The following TOP1MT variants were observed in gnomAD, a reference collection of about 807,000 sequenced individuals.
TOP1MT encodes the protein DNA topoisomerase I, mitochondrial.
TOP1MT carries 80 observed loss-of-function variants against 73.9 expected under a neutral mutation model. The observed-to-expected ratio is 1.08, with a 90% CI of 0.90 to 1.30. The LOEUF is 1.30. Among genes scored for constraint, TOP1MT ranks in the 50% most tolerant of loss-of-function variants. TOP1MT has a pLI of 0.00. For missense variants in TOP1MT, 815 were observed against 808.0 expected (o/e 1.01, Z -0.10); for synonymous variants, 338 against 326.4 (o/e 1.04, Z -0.38).
intron 7 of TOP1MT, among the ~76,000 whole-genome samples, chr8:143,322,485 CCACACGCACGCCACA>C (rs1816476910): frequency 5.1e-5 from 5 of 97,110 alleles, no homozygotes; most frequent in African/African-American, 1.6e-4. Context: ...CACAGGCACG[CCACACGCACGCCACA>C]CACACAGGCA....
chr8:143,331,131 G>T, intron 2 of TOP1MT, 93 bp downstream of exon 2: 1 of 971,514 alleles, frequency 1.0e-6, no homozygotes, highest in Admixed American at 2.2e-5. Context: ...GAAGCCTGCA[G>T]GGGGGCTGAG....
At chr8:143,327,863 G>A (rs1433799309) in intron 3 of TOP1MT, 2 of 354,432 alleles carry the variant, frequency 5.6e-6, no homozygotes, top group East Asian at 1.7e-4. Flanking sequence ...TGCAACACAC[G>A]AGCCTCGGCC....
chr8:143,345,127 G>C (rs955392468), upstream of TOP1MT: 1 of 152,392 alleles, frequency 6.6e-6, no homozygotes, highest in African/African-American at 2.4e-5. Flanking sequence ...ACAGGGGCTT[G>C]TAAAAGAGTA....
At chr8:143,320,572 G>T (rs531295408) in intron 8 of TOP1MT, among the ~76,000 whole-genome samples, 1 of 152,236 alleles carries the variant, frequency 6.6e-6, no homozygotes, top group Non-Finnish European at 1.5e-5. Flanking sequence ...TGGCCAGAAC[G>T]TGACCTTATT....
intron 1 of TOP1MT, among the ~76,000 whole-genome samples, chr8:143,353,224 A>T (rs956152812): frequency 6.6e-6 from 1 of 152,064 alleles, no homozygotes; most frequent in African/African-American, 2.4e-5. Flanking sequence ...AGACCAGCCT[A>T]GGCAAAATGG....
At chr8:143,313,583 G>C (rs1309179423) in intron 12 of TOP1MT, among the ~76,000 whole-genome samples, 3 of 149,720 alleles carry the variant, frequency 2.0e-5, no homozygotes, top group Non-Finnish European at 4.4e-5. Context: ...GCTGGGAGTA[G>C]TGACTCACAC....
At chr8:143,333,176 G>C (rs2130345862) in intron 1 of TOP1MT, among the ~76,000 whole-genome samples, 1 of 152,270 alleles carries the variant, frequency 6.6e-6, no homozygotes, top group East Asian at 1.9e-4. Context: ...GCCAGGCGCG[G>C]TGACTCACGC....
At chr8:143,315,343 A>C (rs1320263852) in intron 12 of TOP1MT, among the ~76,000 whole-genome samples, 1 of 152,194 alleles carries the variant, frequency 6.6e-6, no homozygotes, top group Non-Finnish European at 1.5e-5. Flanking sequence ...ATGCAGAAAT[A>C]ATGGCGTAAA....
intron 1 of TOP1MT, chr8:143,343,788 T>A (rs1245437786): frequency 1.3e-5 from 2 of 154,572 alleles, no homozygotes; most frequent in Non-Finnish European, 2.9e-5. Flanking sequence ...CACCTCGGGC[T>A]GCACGCTGGG....
chr8:143,334,971 C>T, upstream of TOP1MT: 3 of 1,148,002 alleles, frequency 2.6e-6, no homozygotes, highest in Non-Finnish European at 3.2e-6. Flanking sequence ...CCCCCAGCGG[C>T]GCTCATCCCA....
intron 7 of TOP1MT, among the ~76,000 whole-genome samples, chr8:143,321,664 ACG>A (rs1440514525): frequency 3.0e-5 from 3 of 98,564 alleles, no homozygotes; most frequent in African/African-American, 4.4e-5. Flanking sequence ...CGCCACACAC[ACG>A]CACGCCACAC....
upstream of TOP1MT, among the ~76,000 whole-genome samples, chr8:143,338,522 G>A (rs1447348884): frequency 3.3e-5 from 5 of 150,982 alleles, no homozygotes; most frequent in African/African-American, 7.3e-5. Flanking sequence ...AGCTGAGATC[G>A]CACCATTGCA....
chr8:143,336,257 T>C (rs1356745484), upstream of TOP1MT, among the ~76,000 whole-genome samples: 1 of 152,198 alleles, frequency 6.6e-6, no homozygotes, highest in Non-Finnish European at 1.5e-5. Context: ...CCTCCCAAAG[T>C]GCTGGGATTT....
At chr8:143,321,557 CCACA>C (rs1198696730) in intron 7 of TOP1MT, among the ~76,000 whole-genome samples, 171 bp from the exon 8 acceptor site, 22 of 106,200 alleles carry the variant, frequency 2.1e-4, no homozygotes, top group Non-Finnish European at 3.4e-4. Flanking sequence ...CACACGCACG[CCACA>C]CACACGCACG....
chr8:143,334,988 G>A, upstream of TOP1MT: 1 of 1,055,012 alleles, frequency 9.5e-7, no homozygotes, highest in East Asian at 4.1e-5. Context: ...CCCAAGGCTG[G>A]GCGGTCTAAG....
intron 12 of TOP1MT, chr8:143,310,560 T>A (rs1400476307): frequency 9.9e-6 from 2 of 201,844 alleles, no homozygotes; most frequent in African/African-American, 2.3e-5. Flanking sequence ...CAAATGTCCT[T>A]TAACCTCCGG....
chr8:143,331,283 C>T lies in TOP1MT; in HGVS notation c.179G>A (p.Gly60Asp), dbSNP rs1240394979. 1 of 1,613,052 alleles carries T rather than the reference C, an allele frequency of 6.2e-7. No individual in the cohort carries two copies. The highest frequency in any genetic ancestry group is 1.1e-5 in the South Asian group (1 of 91,010). ...GVKWRQLEHK[G>D]PYFAPPYEPL... ...CTCGTATGGGGGTGCGAAGTACGGGCCCTTGTGCTCCAGCTGTCTCCACTT... is the reference window on the plus strand; with the variant it reads ...CTCGTATGGGGGTGCGAAGTACGGGTCCTTGTGCTCCAGCTGTCTCCACTT... Residue 60 changes from glycine to aspartate, a missense_variant, in exon 2 of 14, where the codon GGC becomes GAC. By Grantham distance (94) the Gly-to-Asp change is moderately conservative. Around this residue, in one of 3 missense-constraint regions of TOP1MT, gnomAD observed 751 missense variants for 725.4 expected, o/e 1.04. Coordinates refer to ENST00000329245, the MANE Select transcript of TOP1MT (RefSeq NM_052963.3).
chr8:143,351,627 T>C (rs931387625), intron 1 of TOP1MT, among the ~76,000 whole-genome samples: 3 of 151,674 alleles, frequency 2.0e-5, no homozygotes, highest in African/African-American at 7.3e-5. Flanking sequence ...CAATTCCATT[T>C]ACAATAGCAT....
chr8:143,323,740 CACACACATGCACG>C (rs1392867590), intron 7 of TOP1MT, among the ~76,000 whole-genome samples: 2,287 of 51,266 alleles, frequency 0.045, 299 homozygotes, highest in African/African-American at 0.13. Context: ...ACATGCACGC[CACACACATGCACG>C]CCCCACACAG....
Sources: gnomAD v4.1 joint callset for allele counts (sites outside exome capture counted in the v4.1 genomes callset) on GRCh38, gnomAD v4.1.1 for gene constraint, gnomAD v4.1.1 regional missense constraint, MANE v1.5 for transcripts, NCBI Gene and HGNC (gene_info 2026-07-23, HGNC 2026-07-21) for gene names.